IFTAP: variants seen among roughly 807,000 people sequenced by gnomAD.
The protein encoded by IFTAP is intraflagellar transport-associated protein.
Under a neutral mutation model 19.4 loss-of-function variants are expected in IFTAP, and 19 were observed. The observed-to-expected ratio is 0.98, with a 90% CI of 0.68 to 1.44. IFTAP has a LOEUF of 1.44. Among genes scored for constraint, IFTAP ranks in the 40% most tolerant of loss-of-function variants. The probability of loss-of-function intolerance (pLI) is 0.00; values close to 1 mark genes in which losing one functional copy is unlikely to be tolerated. For synonymous variants in IFTAP, 85 were observed against 83.5 expected, an observed-to-expected ratio of 1.02 and a Z score of -0.10; for missense variants, 240 against 253.6, an observed-to-expected ratio of 0.95 and a Z score of 0.36.
At chr11:36,636,268 A>G (rs905570252) in intron 4 of IFTAP, 151 bp downstream of exon 4, 1 of 624,438 alleles carries the variant, frequency 1.6e-6, no homozygotes, top group Admixed American at 3.0e-5. Context: ...TTTCAGTAAC[A>G]AAAATTTCAC....
intron 4 of IFTAP, among the ~76,000 whole-genome samples, chr11:36,645,364 G>T (rs1004776409): frequency 6.6e-6 from 1 of 152,084 alleles, no homozygotes; most frequent in East Asian, 1.9e-4. Flanking sequence ...CAGTCTTGCC[G>T]TCCAACCTCA....
chr11:36,597,022 C>G (rs981496754), intron 1 of IFTAP, among the ~76,000 whole-genome samples: 7 of 152,046 alleles, frequency 4.6e-5, no homozygotes, highest in African/African-American at 1.7e-4. Flanking sequence ...AATTTCAAGG[C>G]CCTAAAAACA....
intron 1 of IFTAP, among the ~76,000 whole-genome samples, chr11:36,607,410 G>A (rs941824538): frequency 2.0e-5 from 3 of 152,138 alleles, no homozygotes; most frequent in South Asian, 2.1e-4. Context: ...TAATCAGTGC[G>A]TGTGCCATAT....
chr11:36,603,182 G>C (rs1399232017), intron 1 of IFTAP, among the ~76,000 whole-genome samples: 1 of 152,170 alleles, frequency 6.6e-6, no homozygotes, highest in Non-Finnish European at 1.5e-5. Context: ...GAACAGAAGG[G>C]CTTAATGAAT....
At chr11:36,620,217 A>G (rs112236169) in intron 2 of IFTAP, among the ~76,000 whole-genome samples, 6,197 of 152,124 alleles carry the variant, frequency 0.041, 411 homozygotes, top group African/African-American at 0.14. Flanking sequence ...TAATCTCTTT[A>G]TCACAACATA....
chr11:36,635,409 A>C (rs1498344), intron 3 of IFTAP, among the ~76,000 whole-genome samples: 23,488 of 152,166 alleles, frequency 0.15, 2,616 homozygotes, highest in African/African-American at 0.31. Flanking sequence ...GCAGTATTCC[A>C]TGTGGAATAG....
At chr11:36,616,652 A>G (rs1489223259) in intron 2 of IFTAP, among the ~76,000 whole-genome samples, 1 of 151,892 alleles carries the variant, frequency 6.6e-6, no homozygotes, top group Non-Finnish European at 1.5e-5. Context: ...TATATACTTA[A>G]TTCACATTGA....
At position 36,634,049 on chromosome 11, in the gene IFTAP, C is replaced by G. The variant is rs1014041674; in HGVS notation, c.291+611C>G. Among the ~76,000 whole-genome samples the G allele has an allele frequency of 1.7e-4, 26 of 151,882 alleles. 1 individual carries two copies. Among genetic ancestry groups the G allele is most frequent in the Non-Finnish European group, 1.3e-4 (9 of 67,886 alleles). On this transcript the variant is annotated intron_variant, in intron 3 of 5. Transcript: ENST00000334307. ...ACAGAATTGTATATTGTGTTTTTTT[C>G]TAACAAGGGAACAAAAATCTCTGTG...
chr11:36,635,737 G>T (rs962736223), intron 3 of IFTAP, among the ~76,000 whole-genome samples: 3 of 152,170 alleles, frequency 2.0e-5, no homozygotes, highest in African/African-American at 7.2e-5. Flanking sequence ...CATGGTGGTG[G>T]TATATATTCT....
At chr11:36,613,619 C>T (rs12417768) in intron 2 of IFTAP, among the ~76,000 whole-genome samples, 3 of 151,988 alleles carry the variant, frequency 2.0e-5, no homozygotes, top group East Asian at 3.9e-4. Context: ...TTTGGAGGGA[C>T]GGCAATAAAG....
intron 4 of IFTAP, among the ~76,000 whole-genome samples, chr11:36,641,055 A>C (rs1023968234): frequency 1.3e-5 from 2 of 152,044 alleles, no homozygotes; most frequent in Non-Finnish European, 2.9e-5. Context: ...ACTATATAAA[A>C]AGACTATTAA....
chr11:36,627,174 G>A (rs1413699915), intron 2 of IFTAP, among the ~76,000 whole-genome samples: 1 of 151,202 alleles, frequency 6.6e-6, no homozygotes, highest in African/African-American at 2.5e-5. Context: ...GGTTGCCTGT[G>A]GTTGGGAGTA....
intron 5 of IFTAP, among the ~76,000 whole-genome samples, chr11:36,656,498 A>T (rs138500602): frequency 1.3e-5 from 2 of 151,958 alleles, no homozygotes; most frequent in East Asian, 1.9e-4. Context: ...TGAACCTGGG[A>T]GGCGGAGGTT....
intron 2 of IFTAP, among the ~76,000 whole-genome samples, chr11:36,613,853 C>T (rs151014369): frequency 0.01 from 1,549 of 151,692 alleles, 26 homozygotes; most frequent in African/African-American, 0.034. Context: ...GTCTTCAAGA[C>T]GAATATGTAG....
intron 2 of IFTAP, 59 bp from the exon 3 acceptor site, chr11:36,633,225 A>G: frequency 7.3e-7 from 1 of 1,364,508 alleles, no homozygotes; most frequent in Admixed American, 2.9e-5. Context: ...AATATACACA[A>G]AATAAACCAG....
At position 36,613,412 on chromosome 11, in the gene IFTAP, T is replaced by C. The variant is rs985747572; in HGVS notation, c.136+3173T>C. On this transcript the variant is annotated intron_variant, in intron 2 of 5. Transcript: ENST00000334307. ...TTTTTTATTTAATTAATTCATTAAT[T>C]AATTCTGTGAGTGTCTTGTTATGGT... Among the ~76,000 whole-genome samples, 10 of 152,110 alleles carry C rather than the reference T, an allele frequency of 6.6e-5. No individual in the cohort carries two copies. The South Asian group carries it at 1.0e-3, about 16-fold the overall frequency.
chr11:36,601,277 T>G (rs964622732), intron 1 of IFTAP, among the ~76,000 whole-genome samples: 4 of 152,200 alleles, frequency 2.6e-5, no homozygotes, highest in Non-Finnish European at 5.9e-5. Flanking sequence ...GTTTGGCTCG[T>G]TGAATGAATT....
rs886801286 is a variant in IFTAP at position 36,650,297 on chromosome 11, T to C, written c.498+2142T>C. 3.3e-5 allele frequency among the ~76,000 whole-genome samples: 5 copies of C among 152,114 alleles called. No homozygotes were observed. In the East Asian group the frequency reaches 7.7e-4, roughly 23 times the overall value. ...GTATTCTGGATGTCCTTCCTAACTT[T>C]CTCTTAATTGCCTATTAAGATTCCA... is the stretch of plus-strand genomic sequence containing the variant. On this transcript the variant is annotated intron_variant, in intron 5 of 5. Coordinates refer to ENST00000334307, the MANE Select transcript of IFTAP (RefSeq NM_138787.4).
intron 2 of IFTAP, among the ~76,000 whole-genome samples, chr11:36,614,028 A>G (rs1402865259): frequency 6.6e-6 from 1 of 151,454 alleles, no homozygotes; most frequent in African/African-American, 2.4e-5. Flanking sequence ...CTAACTCCTC[A>G]TCTAGCATTA....
Sources: gnomAD v4.1 joint callset for allele counts (sites outside exome capture counted in the v4.1 genomes callset) on GRCh38, gnomAD v4.1.1 for gene constraint, MANE v1.5 for transcripts, NCBI Gene and HGNC (gene_info 2026-07-23, HGNC 2026-07-21) for gene names.